The following FBXL19 variants were observed in gnomAD, a reference collection of about 807,000 sequenced individuals.
FBXL19 encodes the protein F-box and leucine rich repeat protein 19.
A neutral mutation model predicts 71.2 loss-of-function variants in FBXL19; 16 were observed. That is an observed-to-expected ratio of 0.22 (90% confidence interval 0.15 to 0.34). The LOEUF (loss-of-function observed/expected upper bound fraction) is 0.34, where lower values mean the gene tolerates loss of function less well. Among genes scored for constraint, FBXL19 ranks in the 10% least tolerant of loss-of-function variants. FBXL19 has a pLI of 1.00. For synonymous variants in FBXL19, 447 were observed against 409.4 expected (o/e 1.09, Z -1.11); for missense variants, 658 against 968.2 (o/e 0.68, Z 4.25).
At chr16:30,927,022 G>T (rs1290014097) in intron 2 of FBXL19, among the ~76,000 whole-genome samples, 1 of 152,212 alleles carries the variant, frequency 6.6e-6, no homozygotes, top group East Asian at 1.9e-4. Context: ...ACAGTCACAG[G>T]TGATAACAGC....
intron 6 of FBXL19, among the ~76,000 whole-genome samples, chr16:30,929,611 T>C (rs931106553): frequency 6.6e-6 from 1 of 152,192 alleles, no homozygotes; most frequent in Non-Finnish European, 1.5e-5. Flanking sequence ...CGTACTGGAG[T>C]GCAGTGGCGT....
Position 30,930,069 on chromosome 16 carries a change from G to A in FBXL19, c.790-4G>A. 1.2e-6 allele frequency: 2 copies of A among 1,609,322 alleles called. No individual in the cohort carries two copies. The highest frequency in any genetic ancestry group is 1.7e-6 in the Non-Finnish European group (2 of 1,176,830). ...AGAACAGCATCAACCCTGTCTCCCT[G>A]CAGAAACCAAAGCCGCCTTTGGCCT... On this transcript the variant is annotated splice_polypyrimidine_tract_variant and splice_region_variant and intron_variant, in intron 6 of 10. Coordinates refer to ENST00000338343, the MANE Select transcript of FBXL19 (RefSeq NM_001382779.1). The surrounding 1 kb of genome is among the most constrained non-coding windows in gnomAD (Gnocchi z 8.5).
In FBXL19 at chr16:30,946,457, G is replaced by A. The variant is rs996462004; in HGVS notation, c.1628-273G>A. 6.6e-6 allele frequency among the ~76,000 whole-genome samples: 1 copy of A among 152,166 alleles called. No homozygotes were observed. The highest frequency in any genetic ancestry group is 6.5e-5 in the Admixed American group (1 of 15,274). On this transcript the variant is annotated intron_variant, in intron 9 of 10. Transcript: ENST00000338343. The surrounding 1 kb of genome is among the most constrained non-coding windows in gnomAD (Gnocchi z 6.7). ...TGACCTCAAGTGAGCCGCCTGCCTC[G>A]GCTTCCCAAAGTGCTAGGATTACAG... is the stretch of plus-strand genomic sequence containing the variant.
In FBXL19 at chr16:30,927,571, A is replaced by C; in HGVS notation, c.322-2A>C. On this transcript the variant is annotated splice_acceptor_variant, in intron 3 of 10. Transcript: ENST00000338343. LOFTEE classifies it high-confidence loss of function. ...CCCCACTCACTGCCCTCCTGCCTAC[A>C]GATGGGGAAGGCTGAGGGTGTCATC... 1 of 1,557,176 alleles carries C rather than the reference A, an allele frequency of 6.4e-7. No homozygotes were observed. Among genetic ancestry groups the C allele is most frequent in the Non-Finnish European group, 8.7e-7 (1 of 1,150,208 alleles).
At chr16:30,944,870 G>C (rs1401563585) in intron 9 of FBXL19, among the ~76,000 whole-genome samples, 1 of 152,162 alleles carries the variant, frequency 6.6e-6, no homozygotes, top group Admixed American at 6.5e-5. Flanking sequence ...TTAAAATTTA[G>C]GGCTTGCAAA....
At chr16:30,923,517 AGAG>A (rs1251801834), upstream of FBXL19, among the ~76,000 whole-genome samples, 2 of 110,260 alleles carry the variant, frequency 1.8e-5, no homozygotes, top group Admixed American at 2.0e-4. Flanking sequence ...GAGGGAGTAA[AGAG>A]GGGGAGGAGG....
chr16:30,926,015 C>A (rs974828114), intron 2 of FBXL19, 84 bp downstream of exon 2: 26 of 1,368,890 alleles, frequency 1.9e-5, no homozygotes, highest in Non-Finnish European at 1.2e-5. Context: ...CCAGCCTGTA[C>A]TGTGGAGTGG....
At chr16:30,931,434 AT>A (rs1438417142) in intron 7 of FBXL19, among the ~76,000 whole-genome samples, 4 of 152,164 alleles carry the variant, frequency 2.6e-5, no homozygotes, top group South Asian at 2.1e-4. Context: ...TGCCCAAGAA[AT>A]GTTGCAGTAA....
At chr16:30,923,522 G>GGGAGGAGGA (rs530252545), upstream of FBXL19, among the ~76,000 whole-genome samples, 1 of 144,964 alleles carries the variant, frequency 6.9e-6, no homozygotes. Context: ...AGTAAAGAGG[G>GGGAGGAGGA]GGAGGAGGAG....
At chr16:30,945,732 G>C (rs1411512397) in intron 9 of FBXL19, among the ~76,000 whole-genome samples, 2 of 151,012 alleles carry the variant, frequency 1.3e-5, no homozygotes, top group Non-Finnish European at 2.9e-5. Flanking sequence ...AGCACTTTGG[G>C]AGGCCAAAGT....
In FBXL19 at chr16:30,948,541, G is replaced by A. The variant is rs1254381028; in HGVS notation, c.*1311G>A. 6.6e-6 allele frequency: 1 copy of A among 151,904 alleles called. No individual in the cohort carries two copies. Among genetic ancestry groups the A allele is most frequent in the East Asian group, 1.9e-4 (1 of 5,138 alleles). The allele number at this position is 151,904 out of a possible 1,614,324, so 9.4% of individuals were successfully genotyped here. A position where few individuals can be genotyped will look rare whatever the true frequency, so the allele number is the denominator to read the frequency against. Reference sequence around the variant, plus strand: ...GGGGGGCCGGGGCTTACCATGTAGGGGAGGGGAGATCTATCCACATACCTC... The same window carrying A: ...GGGGGGCCGGGGCTTACCATGTAGGAGAGGGGAGATCTATCCACATACCTC... On this transcript the variant is annotated 3_prime_UTR_variant, in exon 11 of 11. Transcript: ENST00000338343.
chr16:30,928,146 G>C (rs1194250372), intron 5 of FBXL19, among the ~76,000 whole-genome samples, 183 bp downstream of exon 5: 1 of 151,730 alleles, frequency 6.6e-6, no homozygotes, highest in Non-Finnish European at 1.5e-5. Context: ...TGGAGGAGGG[G>C]GGGGACAGGT....
At position 30,947,544 on chromosome 16, in the gene FBXL19, T is replaced by TG. The variant is rs1320839748; in HGVS notation, c.*321dup. Reference sequence around the variant, plus strand: ...GGGAGGGGGGTTATGGTGCAAGTGTTGGGGGGGAGAATGGGGAAAGGACAC... The same window carrying TG: ...GGGAGGGGGGTTATGGTGCAAGTGTTGGGGGGGGAGAATGGGGAAAGGACAC... On this transcript the variant is annotated 3_prime_UTR_variant, in exon 11 of 11. Transcript: ENST00000338343. 2.6e-5 allele frequency: 6 copies of TG among 229,746 alleles called. No individual in the cohort carries two copies. Among genetic ancestry groups the TG allele is most frequent in the Admixed American group, 2.3e-4 (3 of 12,802 alleles). The allele number at this position is 229,746 out of a possible 1,614,324, so 14.2% of individuals were successfully genotyped here.
Position 30,928,544 on chromosome 16 carries a change from C to T in FBXL19, c.705C>T (p.Gly235=), listed in dbSNP as rs1208419536. The change falls in exon 6 of 11, where the codon GGC becomes GGT. Residue 235 remains glycine (G), a synonymous_variant. Coordinates refer to ENST00000338343, the MANE Select transcript of FBXL19 (RefSeq NM_001382779.1). ...ACLLRGSDPG[G]PGLLPPRVLN... is the part of the protein sequence containing the mutation. ...TCCTCCGAGGATCGGACCCAGGCGG[C>T]CCGGGCCTGCTGCCCCCCAGGGTTC... The T allele has an allele frequency of 6.2e-7, 1 of 1,608,358 alleles. No individual in the cohort carries two copies. The highest frequency in any genetic ancestry group is 8.5e-7 in the Non-Finnish European group (1 of 1,177,404).
In FBXL19 at chr16:30,930,517, G is replaced by A. The variant is rs369820084; in HGVS notation, c.1234G>A (p.Val412Ile). The change falls in exon 7 of 11, where the codon GTC (valine) becomes ATC (isoleucine). Residue 412 changes from valine (V) to isoleucine (I), a missense_variant. This residue lies in a region of FBXL19 where 447 missense variants were observed against 515.4 expected (regional missense o/e 0.87). Transcript: ENST00000338343. The surrounding 1 kb of genome is among the most constrained non-coding windows in gnomAD (Gnocchi z 8.5). Reference protein sequence around the residue: ...HPLPRAAWLRVFQHLGPRELC... With the variant: ...HPLPRAAWLRIFQHLGPRELC... ...CCTGCCCCGGGCCGCCTGGCTTCGC[G>A]TCTTCCAGCACCTCGGGCCGCGGGA... The A allele has an allele frequency of 1.1e-4, 161 of 1,523,702 alleles. 1 individual carries two copies. In the Admixed American group the frequency reaches 1.3e-3, roughly 12 times the overall value. The allele number at this position is 1,523,702 out of a possible 1,614,324, so 94.4% of individuals were successfully genotyped here.
chr16:30,946,196 CTT>C lies in FBXL19; in HGVS notation c.1628-531_1628-530del, dbSNP rs1491421653. On this transcript the variant is annotated intron_variant, in intron 9 of 10. Transcript: ENST00000338343. The surrounding 1 kb of genome is among the most constrained non-coding windows in gnomAD (Gnocchi z 6.7). ...GAGAGAGGAGGGGAGGTCACAGACT[CTT>C]TTATTTATTTATTTATTTATTTTGA... 6.6e-6 allele frequency among the ~76,000 whole-genome samples: 1 copy of C among 151,860 alleles called. No homozygotes were observed.
intron 9 of FBXL19, among the ~76,000 whole-genome samples, chr16:30,944,046 G>T (rs1022441996): frequency 3.9e-5 from 6 of 152,110 alleles, no homozygotes; most frequent in Middle Eastern, 3.2e-3. Context: ...AGCTATGGGT[G>T]GGGGGTAAGG....
At position 30,927,600 on chromosome 16, in the gene FBXL19, G is replaced by A; in HGVS notation, c.349G>A (p.Ala117Thr). ...GGGGAAGGCTGAGGGTGTCATCAAT[G>A]CAGAGATCCCCAACTGCTGGGAGTG... is the stretch of plus-strand genomic sequence containing the variant. ...KMGKAEGVIN[A>T]EIPNCWECPR... The change falls in exon 4 of 11, where the codon GCA becomes ACA. Residue 117 changes from alanine (A) to threonine (T), a missense_variant. Ala to Thr is a moderately conservative substitution (Grantham distance 58). Transcript: ENST00000338343. 1 of 1,561,976 alleles carries A rather than the reference G, an allele frequency of 6.4e-7. No individual in the cohort carries two copies. The highest frequency in any genetic ancestry group is 8.7e-7 in the Non-Finnish European group (1 of 1,153,070).
At position 30,936,932 on chromosome 16, in the gene FBXL19, G is replaced by A. The variant is rs543045104; in HGVS notation, c.1302-5184G>A. Among the ~76,000 whole-genome samples the A allele has an allele frequency of 2.8e-4, 43 of 151,734 alleles. No individual in the cohort carries two copies. The South Asian group carries it at 6.7e-3, about 24-fold the overall frequency. Reference sequence around the variant, plus strand: ...TAATTTTTGTATTTTTAGTAGAGACGAGGTTTCACTATGTTGGCCAGGCTG... The same window carrying A: ...TAATTTTTGTATTTTTAGTAGAGACAAGGTTTCACTATGTTGGCCAGGCTG... On this transcript the variant is annotated intron_variant, in intron 7 of 10. Transcript: ENST00000338343.
Sources: allele counts gnomAD v4.1 joint callset (sites outside exome capture counted in the v4.1 genomes callset), GRCh38; gene constraint gnomAD v4.1.1; regional missense constraint gnomAD v4.1.1; non-coding constraint Gnocchi (gnomAD v3.1); transcripts MANE v1.5; gene names NCBI Gene and HGNC (gene_info 2026-07-23, HGNC 2026-07-21).